SAMD5: variants seen among roughly 807,000 people sequenced by gnomAD.
SAMD5 encodes sterile alpha motif domain containing 5.
Under a neutral mutation model 11.3 loss-of-function variants are expected in SAMD5, and 13 were observed. That is an observed-to-expected ratio of 1.15 (90% CI 0.75 to 1.83). The LOEUF is 1.83. Ranked by LOEUF, SAMD5 falls within the 40% of genes most tolerant of loss-of-function variation. SAMD5 has a pLI of 0.00. For missense variants in SAMD5, 255 were observed against 239.1 expected (o/e 1.07, Z -0.44); for synonymous variants, 129 against 111.3 (o/e 1.16, Z -1.00).
chr6:147,929,184 T>C, the SAMD5 span, among the ~76,000 whole-genome samples: 1 of 152,194 alleles, frequency 6.6e-6, no homozygotes, highest in Non-Finnish European at 1.5e-5. Flanking sequence ...TCAGTTGTCT[T>C]CACTTTTTTA....
the SAMD5 span, among the ~76,000 whole-genome samples, chr6:147,877,940 TAGATA>T: frequency 4.0e-5 from 4 of 99,248 alleles, no homozygotes; most frequent in East Asian, 5.6e-4. Flanking sequence ...GATAGATAGA[TAGATA>T]GACTCTGTCA....
chr6:147,789,064 A>G, the SAMD5 span, among the ~76,000 whole-genome samples: 1 of 149,556 alleles, frequency 6.7e-6, no homozygotes, highest in Non-Finnish European at 1.5e-5. Flanking sequence ...AGCCTGGGTG[A>G]CAGAGGGAGA....
chr6:147,557,474 C>T (rs889536950), intron 1 of SAMD5, among the ~76,000 whole-genome samples: 1 of 152,212 alleles, frequency 6.6e-6, no homozygotes, highest in African/African-American at 2.4e-5. Context: ...CTTTCCTTGT[C>T]TTTTCCAGCT....
chr6:147,677,175 T>G (rs1469190878), intron 1 of SAMD5, among the ~76,000 whole-genome samples: 2 of 152,138 alleles, frequency 1.3e-5, no homozygotes, highest in African/African-American at 4.8e-5. Context: ...CAAGGATGTC[T>G]CAGAGTCTGC....
chr6:147,744,562 A>G, the SAMD5 span, among the ~76,000 whole-genome samples: 1 of 152,176 alleles, frequency 6.6e-6, no homozygotes, highest in Non-Finnish European at 1.5e-5. Flanking sequence ...CAAAAAAACT[A>G]CAAGGGAGAA....
intron 1 of SAMD5, among the ~76,000 whole-genome samples, chr6:147,624,437 G>A (rs757097571): frequency 6.6e-6 from 1 of 152,110 alleles, no homozygotes; most frequent in African/African-American, 2.4e-5. Flanking sequence ...AATTAAAAAC[G>A]TTACGTTTCA....
chr6:147,807,023 C>T, the SAMD5 span, among the ~76,000 whole-genome samples: 28 of 152,098 alleles, frequency 1.8e-4, no homozygotes, highest in South Asian at 1.2e-3. Context: ...CCAAATTAGC[C>T]GACATTTGAT....
chr6:147,932,416 G>C, the SAMD5 span, among the ~76,000 whole-genome samples: 1 of 152,046 alleles, frequency 6.6e-6, no homozygotes, highest in Admixed American at 6.6e-5. Context: ...CCCACAAAGT[G>C]GTGTGCAGTT....
the SAMD5 span, among the ~76,000 whole-genome samples, chr6:147,779,685 G>A: frequency 6.6e-6 from 1 of 152,104 alleles, no homozygotes; most frequent in Non-Finnish European, 1.5e-5. Context: ...AATATTTTCA[G>A]CACAAGACAA....
At chr6:147,571,652 A>G (rs1387297078), downstream of SAMD5, among the ~76,000 whole-genome samples, 2 of 152,202 alleles carry the variant, frequency 1.3e-5, no homozygotes, top group African/African-American at 4.8e-5. Context: ...CCAATTGTGA[A>G]CACTGTATAT....
At chr6:147,766,786 T>A in the SAMD5 span, among the ~76,000 whole-genome samples, 1 of 152,134 alleles carries the variant, frequency 6.6e-6, no homozygotes, top group Non-Finnish European at 1.5e-5. Flanking sequence ...GAGCAATAAG[T>A]ATCTATTAGA....
At chr6:147,898,790 T>C in the SAMD5 span, among the ~76,000 whole-genome samples, 3 of 152,264 alleles carry the variant, frequency 2.0e-5, no homozygotes, top group Non-Finnish European at 2.9e-5. Flanking sequence ...CTTATATATA[T>C]ACACACATAT....
At chr6:147,611,130 C>T (rs1789778649) in intron 1 of SAMD5, among the ~76,000 whole-genome samples, 1 of 152,114 alleles carries the variant, frequency 6.6e-6, no homozygotes, top group Non-Finnish European at 1.5e-5. Flanking sequence ...CCTTGGCCTC[C>T]CAAAGTGCTG....
the SAMD5 span, among the ~76,000 whole-genome samples, chr6:147,781,753 A>C: frequency 7.2e-6 from 1 of 139,680 alleles, no homozygotes; most frequent in Non-Finnish European, 1.5e-5. Flanking sequence ...TGTATATATA[A>C]TGTATATAAT....
At chr6:147,879,403 A>T in the SAMD5 span, among the ~76,000 whole-genome samples, 1 of 152,108 alleles carries the variant, frequency 6.6e-6, no homozygotes, top group Non-Finnish European at 1.5e-5. Context: ...CCTGGGTAAA[A>T]CCCTGCTGGT....
At chr6:147,886,855 A>G in the SAMD5 span, among the ~76,000 whole-genome samples, 1 of 152,268 alleles carries the variant, frequency 6.6e-6, no homozygotes, top group Middle Eastern at 3.4e-3. Context: ...AAAATGTTAA[A>G]GCTCCCAGCC....
intron 1 of SAMD5, among the ~76,000 whole-genome samples, chr6:147,644,598 T>C (rs1790369232): frequency 6.6e-6 from 1 of 152,172 alleles, no homozygotes; most frequent in African/African-American, 2.4e-5. Context: ...AACTTATAAT[T>C]AGAGAGTCTT....
chr6:147,746,755 A>G, the SAMD5 span, among the ~76,000 whole-genome samples: 2 of 152,222 alleles, frequency 1.3e-5, no homozygotes, highest in Admixed American at 6.5e-5. Context: ...TTGGTACTCA[A>G]TATGCACAGT....
chr6:147,590,602 AG>A (rs1269817404), intron 1 of SAMD5, among the ~76,000 whole-genome samples: 6 of 152,096 alleles, frequency 3.9e-5, no homozygotes, highest in South Asian at 2.1e-4. Flanking sequence ...TTGTAGAGAC[AG>A]GGTTTCATCA....
Sources: allele counts gnomAD v4.1 joint callset (sites outside exome capture counted in the v4.1 genomes callset), GRCh38; gene constraint gnomAD v4.1.1; transcripts MANE v1.5; gene names NCBI Gene and HGNC (gene_info 2026-07-23, HGNC 2026-07-21).